The following PPP1R14C variants were observed in gnomAD, a reference collection of about 807,000 sequenced individuals.
The protein encoded by PPP1R14C is protein phosphatase 1 regulatory inhibitor subunit 14C, also known as protein phosphatase 1 regulatory subunit 14C.
PPP1R14C carries 16 observed loss-of-function variants against 20.4 expected under a neutral mutation model. The observed-to-expected ratio is 0.78, with a 90% CI of 0.53 to 1.19. PPP1R14C has a LOEUF of 1.19. PPP1R14C is among the 50% of genes most tolerant of loss of function. The probability of loss-of-function intolerance (pLI) is 0.00; values close to 1 mark genes in which losing one functional copy is unlikely to be tolerated. For missense variants in PPP1R14C, 211 were observed against 220.1 expected (o/e 0.96, Z 0.26); for synonymous variants, 91 against 91.0 (o/e 1.00, Z 0.00).
rs1231553320 is a variant in PPP1R14C, at chr6:150,149,309, G to GTGTGTGTA, written c.306+5818_306+5819insATGTGTGT. On this transcript the variant is annotated intron_variant, in intron 1 of 3. Coordinates refer to ENST00000361131, the MANE Select transcript of PPP1R14C (RefSeq NM_030949.3). ...ACTTTCTCCATACATATGTGTGTGT[G>GTGTGTGTA]TGTGTGTGTGTGTGTATGTGTGTGT... Among the ~76,000 whole-genome samples the GTGTGTGTA allele has an allele frequency of 4.0e-5, 6 of 151,672 alleles. No individual in the cohort carries two copies. The East Asian group carries it at 1.2e-3, about 29-fold the overall frequency.
At chr6:150,164,293 C>G (rs1278674936) in intron 1 of PPP1R14C, among the ~76,000 whole-genome samples, 1 of 152,170 alleles carries the variant, frequency 6.6e-6, no homozygotes, top group Non-Finnish European at 1.5e-5. Context: ...GATATGAGTC[C>G]TTTGTCAGAA....
chr6:150,228,671 A>G (rs1778257451), intron 3 of PPP1R14C, among the ~76,000 whole-genome samples: 1 of 152,102 alleles, frequency 6.6e-6, no homozygotes, highest in South Asian at 2.1e-4. Flanking sequence ...TAGACTATCT[A>G]TCTTGGCACC....
intron 1 of PPP1R14C, among the ~76,000 whole-genome samples, chr6:150,203,613 G>A (rs991443796): frequency 1.3e-5 from 2 of 152,214 alleles, no homozygotes; most frequent in African/African-American, 4.8e-5. Context: ...TTCGTGTTCT[G>A]TGTTAGGAAA....
At chr6:150,169,170 C>T (rs1777470994) in intron 1 of PPP1R14C, among the ~76,000 whole-genome samples, 1 of 152,202 alleles carries the variant, frequency 6.6e-6, no homozygotes, top group African/African-American at 2.4e-5. Flanking sequence ...AGCCACCGTG[C>T]CCAGCCTCAA....
Position 150,167,783 on chromosome 6 carries a change from C to G in PPP1R14C, c.306+24285C>G, listed in dbSNP as rs561318758. Among the ~76,000 whole-genome samples the G allele has an allele frequency of 1.2e-3, 179 of 152,214 alleles. 3 individuals are homozygous for G. Among genetic ancestry groups the G allele is most frequent in the Non-Finnish European group, 1.8e-4 (12 of 68,012 alleles). ...GCCTGGCCACAGGAGTGACCTGAGC[C>G]ATTCAGACCCCAAAGGCAGGCACAC... On this transcript the variant is annotated intron_variant, in intron 1 of 3. Coordinates refer to ENST00000361131, the MANE Select transcript of PPP1R14C (RefSeq NM_030949.3).
At chr6:150,168,122 T>A in intron 1 of PPP1R14C, among the ~76,000 whole-genome samples, 1 of 95,672 alleles carries the variant, frequency 1.0e-5, no homozygotes, top group East Asian at 3.5e-4. Flanking sequence ...CCTCCCCCAC[T>A]CCTTCTCCCT....
At chr6:150,225,745 T>A (rs1778223365) in intron 3 of PPP1R14C, among the ~76,000 whole-genome samples, 2 of 152,202 alleles carry the variant, frequency 1.3e-5, no homozygotes, top group Non-Finnish European at 2.9e-5. Context: ...GTAATTTGCC[T>A]AAATTCACAC....
Position 150,203,825 on chromosome 6 carries a change from C to T in PPP1R14C, c.307-10919C>T, listed in dbSNP as rs1229143471. Among the ~76,000 whole-genome samples, 3 of 152,230 alleles carry T rather than the reference C, an allele frequency of 2.0e-5. 1 individual carries two copies. Among genetic ancestry groups the T allele is most frequent in the African/African-American group, 7.2e-5 (3 of 41,460 alleles). On this transcript the variant is annotated intron_variant, in intron 1 of 3. Coordinates refer to ENST00000361131, the MANE Select transcript of PPP1R14C (RefSeq NM_030949.3). The stretch of plus-strand genomic sequence containing the variant: ...TGCAAATCTGGATGTGGACCATCTT[C>T]TATCAGAGACAGCTCAGGCTCAATC...
Position 150,143,719 on chromosome 6 carries a change from G to T in PPP1R14C, c.306+221G>T, listed in dbSNP as rs868312193. The stretch of plus-strand genomic sequence containing the variant: ...CTGGGTTCGGCTGCCGGTGCCCGGG[G>T]ATCTGCGGGCCCCCTTGGTGGCCGT... On this transcript the variant is annotated intron_variant, in intron 1 of 3. Coordinates refer to ENST00000361131, the MANE Select transcript of PPP1R14C (RefSeq NM_030949.3). The surrounding 1 kb of genome is among the most constrained non-coding windows in gnomAD (Gnocchi z 5.6). Among the ~76,000 whole-genome samples, 1 of 152,192 alleles carries T rather than the reference G, an allele frequency of 6.6e-6. No homozygotes were observed. Among genetic ancestry groups the T allele is most frequent in the African/African-American group, 2.4e-5 (1 of 41,454 alleles).
At chr6:150,233,997 G>T (rs1286365113) in intron 3 of PPP1R14C, among the ~76,000 whole-genome samples, 7 of 152,208 alleles carry the variant, frequency 4.6e-5, no homozygotes, top group Non-Finnish European at 1.0e-4. Context: ...GAAGCCAGAG[G>T]ACTGGTAAAA....
intron 1 of PPP1R14C, among the ~76,000 whole-genome samples, chr6:150,204,277 G>A (rs2281437): frequency 6.6e-5 from 10 of 152,218 alleles, no homozygotes; most frequent in Middle Eastern, 3.4e-3. Flanking sequence ...TTCTCGTCAC[G>A]GGGGCATTGT....
Position 150,158,003 on chromosome 6 carries a change from G to C in PPP1R14C, c.306+14505G>C, listed in dbSNP as rs1777323004. Among the ~76,000 whole-genome samples the C allele has an allele frequency of 2.0e-5, 3 of 152,190 alleles. No homozygotes were observed. In the South Asian group the frequency reaches 6.2e-4, roughly 32 times the overall value. On this transcript the variant is annotated intron_variant, in intron 1 of 3. Coordinates refer to ENST00000361131, the MANE Select transcript of PPP1R14C (RefSeq NM_030949.3). ...TAGACCCTCCCACCTTCCTGGGCTGGGGGAGCTGGCTTGGTCTATCTAGAA... is the reference window on the plus strand; with the variant it reads ...TAGACCCTCCCACCTTCCTGGGCTGCGGGAGCTGGCTTGGTCTATCTAGAA...
intron 3 of PPP1R14C, among the ~76,000 whole-genome samples, chr6:150,238,639 T>G (rs1392031998): frequency 6.6e-6 from 1 of 152,270 alleles, no homozygotes; most frequent in Non-Finnish European, 1.5e-5. Context: ...TTTCTGTGTC[T>G]TCTTTCCCAG....
At chr6:150,182,861 C>T (rs1472761720) in intron 1 of PPP1R14C, among the ~76,000 whole-genome samples, 1 of 152,208 alleles carries the variant, frequency 6.6e-6, no homozygotes, top group African/African-American at 2.4e-5. Context: ...CAGCCTACGA[C>T]ACACCTAGGT....
chr6:150,186,565 C>G (rs1777678780), intron 1 of PPP1R14C, among the ~76,000 whole-genome samples: 1 of 152,204 alleles, frequency 6.6e-6, no homozygotes, highest in Non-Finnish European at 1.5e-5. Flanking sequence ...GGAGCAGCGC[C>G]TCTGCACACT....
intron 2 of PPP1R14C, among the ~76,000 whole-genome samples, chr6:150,216,354 G>A (rs932850039): frequency 6.6e-6 from 1 of 152,074 alleles, no homozygotes; most frequent in Non-Finnish European, 1.5e-5. Flanking sequence ...AAACTAGCCG[G>A]GTGTGGTGGT....
At chr6:150,176,253 G>A (rs1397576851) in intron 1 of PPP1R14C, among the ~76,000 whole-genome samples, 1 of 152,210 alleles carries the variant, frequency 6.6e-6, no homozygotes, top group East Asian at 1.9e-4. Flanking sequence ...GCCCTGGAAG[G>A]ATTCCCATCT....
intron 1 of PPP1R14C, chr6:150,195,254 A>G (rs1264337175): frequency 1.7e-5 from 12 of 719,628 alleles, no homozygotes; most frequent in Non-Finnish European, 2.0e-5. Flanking sequence ...TGTGGATACC[A>G]TGTTATACAT....
At chr6:150,202,610 C>G (rs777807279) in intron 1 of PPP1R14C, among the ~76,000 whole-genome samples, 13 of 152,330 alleles carry the variant, frequency 8.5e-5, no homozygotes, top group Non-Finnish European at 1.8e-4. Context: ...GCAGGCTCTT[C>G]TCTGGGAGGG....
Sources: gnomAD v4.1 joint callset for allele counts (sites outside exome capture counted in the v4.1 genomes callset) on GRCh38, gnomAD v4.1.1 for gene constraint, Gnocchi (gnomAD v3.1) non-coding constraint, MANE v1.5 for transcripts, NCBI Gene and HGNC (gene_info 2026-07-23, HGNC 2026-07-21) for gene names.